The following PTPRM variants were observed in gnomAD, a reference collection of about 807,000 sequenced individuals.
The protein encoded by PTPRM is receptor-type tyrosine-protein phosphatase mu.
In PTPRM, 47 loss-of-function variants were observed where a neutral mutation model predicts 186.7. The ratio of observed to expected loss-of-function variants is 0.25; its 90% CI spans 0.20 to 0.32. The LOEUF (loss-of-function observed/expected upper bound fraction) is 0.32. Among genes scored for constraint, PTPRM ranks in the 10% least tolerant of loss-of-function variants. PTPRM has a pLI of 1.00. For synonymous variants in PTPRM, 668 were observed against 674.9 expected (o/e 0.99, Z 0.16); for missense variants, 1,494 against 1,865.0 (o/e 0.80, Z 3.66).
intron 3 of PTPRM, among the ~76,000 whole-genome samples, chr18:7,898,974 G>T (rs1239256819): frequency 1.3e-5 from 2 of 152,164 alleles, no homozygotes; most frequent in African/African-American, 4.8e-5. Flanking sequence ...ATCAATACCG[G>T]ATGCCGTATG....
chr18:8,293,828 A>G (rs1456391288), intron 19 of PTPRM, among the ~76,000 whole-genome samples: 4 of 152,240 alleles, frequency 2.6e-5, no homozygotes, highest in Non-Finnish European at 4.4e-5. Context: ...GATGGAATCA[A>G]CTAGCGATTT....
intron 2 of PTPRM, among the ~76,000 whole-genome samples, chr18:7,835,218 T>C (rs1035354514): frequency 1.3e-5 from 2 of 150,916 alleles, no homozygotes; most frequent in Non-Finnish European, 3.0e-5. Flanking sequence ...TAGGCACTTA[T>C]AGCTCTAAAC....
intron 1 of PTPRM, among the ~76,000 whole-genome samples, chr18:7,625,542 T>TC (rs2144021022): frequency 6.7e-6 from 1 of 148,846 alleles, no homozygotes; most frequent in African/African-American, 2.5e-5. Context: ...TTTGAGAGGT[T>TC]CTTTTTTTTT....
intron 2 of PTPRM, among the ~76,000 whole-genome samples, chr18:7,795,027 A>T (rs2145256606): frequency 6.6e-6 from 1 of 152,290 alleles, no homozygotes; most frequent in Non-Finnish European, 1.5e-5. Context: ...TATTTAAAAG[A>T]TGCTCTTCTC....
intron 1 of PTPRM, among the ~76,000 whole-genome samples, chr18:7,717,504 T>C (rs2040361548): frequency 6.6e-6 from 1 of 152,212 alleles, no homozygotes; most frequent in Non-Finnish European, 1.5e-5. Context: ...TTCATTCATG[T>C]GATCTCATTT....
At chr18:8,105,924 C>T (rs747216771) in intron 11 of PTPRM, among the ~76,000 whole-genome samples, 22 of 152,146 alleles carry the variant, frequency 1.4e-4, no homozygotes, top group African/African-American at 5.1e-4. Context: ...ATTATAGACT[C>T]GACAGAGAGT....
intron 14 of PTPRM, among the ~76,000 whole-genome samples, chr18:8,237,656 G>A (rs553344309): frequency 1.9e-3 from 290 of 152,000 alleles, no homozygotes; most frequent in African/African-American, 6.7e-3. Context: ...ATGTTGGTTA[G>A]GCTGGTCTCA....
intron 1 of PTPRM, among the ~76,000 whole-genome samples, chr18:7,750,609 C>T (rs2041167709): frequency 6.6e-6 from 1 of 152,198 alleles, no homozygotes; most frequent in South Asian, 2.1e-4. Context: ...ATTCTTACCT[C>T]TCTCATGCCA....
chr18:8,152,343 A>G (rs1021118482), intron 14 of PTPRM, among the ~76,000 whole-genome samples: 2 of 152,180 alleles, frequency 1.3e-5, no homozygotes, highest in Non-Finnish European at 2.9e-5. Flanking sequence ...GGCAACAGCA[A>G]TATTTCAGGG....
chr18:7,761,853 A>G (rs1377095518), intron 1 of PTPRM, among the ~76,000 whole-genome samples: 1 of 152,206 alleles, frequency 6.6e-6, no homozygotes, highest in Admixed American at 6.5e-5. Context: ...CAGATAAAAA[A>G]GGCAAAACTC....
intron 14 of PTPRM, among the ~76,000 whole-genome samples, chr18:8,185,565 G>T (rs141448232): frequency 6.6e-6 from 1 of 152,226 alleles, no homozygotes; most frequent in Non-Finnish European, 1.5e-5. Flanking sequence ...ACAGGGCCTG[G>T]CAGGTCAGTG....
chr18:7,700,573 A>G (rs2039938348), intron 1 of PTPRM, among the ~76,000 whole-genome samples: 2 of 152,230 alleles, frequency 1.3e-5, no homozygotes, highest in South Asian at 2.1e-4. Flanking sequence ...TAAGAAACCA[A>G]TGTAAAACCT....
chr18:8,227,129 G>A (rs1268987926), intron 14 of PTPRM, among the ~76,000 whole-genome samples: 2 of 152,178 alleles, frequency 1.3e-5, no homozygotes, highest in South Asian at 2.1e-4. Context: ...AAGTAATTGC[G>A]ACTTTTGTCG....
At chr18:7,926,729 A>G in intron 5 of PTPRM, 46 bp downstream of exon 5, 1 of 1,428,932 alleles carries the variant, frequency 7.0e-7, no homozygotes, top group Non-Finnish European at 9.6e-7. Context: ...CAGCGGGAAG[A>G]ATACACTCCC....
At chr18:7,846,728 C>T (rs779804218) in intron 2 of PTPRM, among the ~76,000 whole-genome samples, 1 of 152,202 alleles carries the variant, frequency 6.6e-6, no homozygotes, top group South Asian at 2.1e-4. Context: ...TGAACTGACT[C>T]TTGCCTGCTT....
chr18:7,683,845 C>T (rs897361524), intron 1 of PTPRM, among the ~76,000 whole-genome samples: 3 of 152,226 alleles, frequency 2.0e-5, no homozygotes, highest in Non-Finnish European at 4.4e-5. Flanking sequence ...TACCTGGAGG[C>T]TCTGGGGAAG....
intron 3 of PTPRM, among the ~76,000 whole-genome samples, chr18:7,888,603 T>A (rs1303425971): frequency 6.6e-6 from 1 of 152,194 alleles, no homozygotes; most frequent in Non-Finnish European, 1.5e-5. Context: ...GACTTACTGT[T>A]CAACCCAGCA....
At chr18:7,681,252 A>T (rs968762842) in intron 1 of PTPRM, among the ~76,000 whole-genome samples, 4 of 152,254 alleles carry the variant, frequency 2.6e-5, no homozygotes, top group Admixed American at 2.0e-4. Flanking sequence ...ATCAACTGTT[A>T]TGCATTATCT....
chr18:7,660,964 C>G (rs531833337), intron 1 of PTPRM, among the ~76,000 whole-genome samples: 1 of 151,274 alleles, frequency 6.6e-6, no homozygotes, highest in Admixed American at 6.6e-5. Flanking sequence ...GAGCAAGACT[C>G]CATCTCAAAA....
Sources: gnomAD v4.1 joint callset for allele counts (sites outside exome capture counted in the v4.1 genomes callset) on GRCh38, gnomAD v4.1.1 for gene constraint, MANE v1.5 for transcripts, NCBI Gene and HGNC (gene_info 2026-07-23, HGNC 2026-07-21) for gene names.